Variants in SPRING1 observed in about 807,000 individuals in gnomAD.
The protein encoded by SPRING1 is SREBF pathway regulator in golgi 1.
A neutral mutation model predicts 24.7 loss-of-function variants in SPRING1; 14 were observed. The ratio of observed to expected loss-of-function variants is 0.57; its 90% CI spans 0.37 to 0.88. The LOEUF is 0.88. Ranked by LOEUF, SPRING1 falls within the 40% of genes least tolerant of loss-of-function variation. The pLI is 0.00. For missense variants in SPRING1, 255 were observed against 268.4 expected (o/e 0.95, Z 0.35); for synonymous variants, 93 against 106.1 (o/e 0.88, Z 0.76).
At position 116,712,601 on chromosome 12, in the gene SPRING1, G is replaced by A. The variant is rs1048757029; in HGVS notation, c.*5209C>T. Reference sequence around the variant, plus strand: ...GTTTTTATTGCTCCTACTTACTTATGTGATACCTTTTTAGTAGAATGACTA... The same window carrying A: ...GTTTTTATTGCTCCTACTTACTTATATGATACCTTTTTAGTAGAATGACTA... On this transcript the variant is annotated 3_prime_UTR_variant, in exon 5 of 5. Transcript: ENST00000261318. 3.3e-5 allele frequency: 5 copies of A among 152,210 alleles called. No homozygotes were observed. Among genetic ancestry groups the A allele is most frequent in the Admixed American group, 6.5e-5 (1 of 15,282 alleles). The allele number at this position is 152,210 out of a possible 1,614,324, so 9.4% of individuals were successfully genotyped here. A position where few individuals can be genotyped will look rare whatever the true frequency, so the allele number is the denominator to read the frequency against.
At chr12:116,729,052 C>T (rs1317040006) in intron 1 of SPRING1, among the ~76,000 whole-genome samples, 1 of 152,020 alleles carries the variant, frequency 6.6e-6, no homozygotes, top group Non-Finnish European at 1.5e-5. Context: ...AAAATAACAA[C>T]AATGAATTCG....
chr12:116,726,512 G>T (rs147117910), intron 1 of SPRING1, among the ~76,000 whole-genome samples: 1 of 152,168 alleles, frequency 6.6e-6, no homozygotes, highest in South Asian at 2.1e-4. Flanking sequence ...GGACCGGGAG[G>T]GGGGCGGTTA....
intron 1 of SPRING1, among the ~76,000 whole-genome samples, chr12:116,735,157 C>T (rs773076836): frequency 5.9e-5 from 9 of 152,096 alleles, no homozygotes; most frequent in Non-Finnish European, 1.3e-4. Flanking sequence ...GGCTTTAATA[C>T]CTGGTGAACA....
chr12:116,734,168 C>G (rs2137046988), intron 1 of SPRING1, among the ~76,000 whole-genome samples: 1 of 152,244 alleles, frequency 6.6e-6, no homozygotes, highest in East Asian at 1.9e-4. Flanking sequence ...TGAGCCATCG[C>G]ACCCAGCCCA....
chr12:116,735,169 T>A (rs540102129), intron 1 of SPRING1, among the ~76,000 whole-genome samples: 11 of 152,222 alleles, frequency 7.2e-5, no homozygotes, highest in African/African-American at 2.6e-4. Context: ...TGGTGAACAG[T>A]AATGCCACTG....
Position 116,738,058 on chromosome 12 carries a change from G to GC in SPRING1, c.-159dup. 1 of 1,082,346 alleles carries GC rather than the reference G, an allele frequency of 9.2e-7. No individual in the cohort carries two copies. The highest frequency in any genetic ancestry group is 1.1e-6 in the Non-Finnish European group (1 of 894,132). 67.0% of individuals were successfully genotyped at this position (1,082,346 alleles called of 1,614,324 possible). On this transcript the variant is annotated 5_prime_UTR_variant, in exon 1 of 5. Transcript: ENST00000261318. Reference sequence around the variant, plus strand: ...TCTGCTCCCGGCAGCCTTGGGCGCAGCCCCACGTGACCCCGCCCTACGCCC... The same window carrying GC: ...TCTGCTCCCGGCAGCCTTGGGCGCAGCCCCCACGTGACCCCGCCCTACGCCC...
chr12:116,723,874 T>G (rs563172135), intron 1 of SPRING1, among the ~76,000 whole-genome samples: 1 of 151,900 alleles, frequency 6.6e-6, no homozygotes, highest in East Asian at 1.9e-4. Context: ...ATTGGAAGAG[T>G]TGCCCTGGAG....
rs1281469107 is a variant in SPRING1, at chr12:116,712,709, C to G, written c.*5101G>C. 6.6e-6 allele frequency: 1 copy of G among 152,226 alleles called. No individual in the cohort carries two copies. Among genetic ancestry groups the G allele is most frequent in the African/African-American group, 2.4e-5 (1 of 41,438 alleles). 9.4% of individuals were successfully genotyped at this position (152,226 alleles called of 1,614,324 possible). A position where few individuals can be genotyped will look rare whatever the true frequency, so the allele number is the denominator to read the frequency against. ...CAAAGCCACTCCATTCAAAGAACTGCTGGTGAGGTGCTGGGGAGTCAATCC... is the reference window on the plus strand; with the variant it reads ...CAAAGCCACTCCATTCAAAGAACTGGTGGTGAGGTGCTGGGGAGTCAATCC... On this transcript the variant is annotated 3_prime_UTR_variant, in exon 5 of 5. Transcript: ENST00000261318.
Position 116,720,237 on chromosome 12 carries a change from T to C in SPRING1, c.420+59A>G. On this transcript the variant is annotated intron_variant, in intron 3 of 4. Coordinates refer to ENST00000261318, the MANE Select transcript of SPRING1 (RefSeq NM_024738.4). This position sits in a 1 kb window ranked among gnomAD's most constrained non-coding sequence, Gnocchi z 4.0. ...TCTCACATGAAGAGCCTAATGCTCATCATAAAACAGAGGCCGAAAGAAAAA... is the reference window on the plus strand; with the variant it reads ...TCTCACATGAAGAGCCTAATGCTCACCATAAAACAGAGGCCGAAAGAAAAA... 4.5e-6 allele frequency: 7 copies of C among 1,539,076 alleles called. No homozygotes were observed. Among genetic ancestry groups the C allele is most frequent in the South Asian group, 1.3e-5 (1 of 78,530 alleles).
chr12:116,734,877 GT>G (rs1168039494), intron 1 of SPRING1, among the ~76,000 whole-genome samples: 1 of 152,218 alleles, frequency 6.6e-6, no homozygotes, highest in Non-Finnish European at 1.5e-5. Context: ...ACAATCCAGA[GT>G]TTTATCTGAG....
chr12:116,725,681 C>T (rs1022442316), intron 1 of SPRING1, among the ~76,000 whole-genome samples: 23 of 152,032 alleles, frequency 1.5e-4, no homozygotes, highest in African/African-American at 4.1e-4. Flanking sequence ...TTCAGAAGAT[C>T]GAGACCATCC....
chr12:116,726,556 CAAG>C lies in SPRING1; in HGVS notation c.112-3336_112-3334del, dbSNP rs767009923. Among the ~76,000 whole-genome samples the C allele has an allele frequency of 2.0e-5, 3 of 152,250 alleles. No homozygotes were observed. In the East Asian group the frequency reaches 5.8e-4, roughly 29 times the overall value. ...CAACATCTGTATTCCTCAGTTATTGCAAGAAGAGGAGCTAGGTGCAGGAGCCCT... is the reference window on the plus strand; with the variant it reads ...CAACATCTGTATTCCTCAGTTATTGCAAGAGGAGCTAGGTGCAGGAGCCCT... On this transcript the variant is annotated intron_variant, in intron 1 of 4. Coordinates refer to ENST00000261318, the MANE Select transcript of SPRING1 (RefSeq NM_024738.4).
At position 116,711,836 on chromosome 12, in the gene SPRING1, G is replaced by C. The variant is rs1179667772; in HGVS notation, c.*5974C>G. 2.6e-5 allele frequency: 4 copies of C among 152,338 alleles called. No homozygotes were observed. The highest frequency in any genetic ancestry group is 9.7e-5 in the African/African-American group (4 of 41,364). 9.4% of individuals were successfully genotyped at this position (152,338 alleles called of 1,614,324 possible). On this transcript the variant is annotated 3_prime_UTR_variant, in exon 5 of 5. Transcript: ENST00000261318. Reference sequence around the variant, plus strand: ...TCCCTATGTTGCTCAGGCTGGTCTCGAATTCTGGGCTCAAGCAATCCTCTC... The same window carrying C: ...TCCCTATGTTGCTCAGGCTGGTCTCCAATTCTGGGCTCAAGCAATCCTCTC...
Position 116,720,339 on chromosome 12 carries a change from C to A in SPRING1, c.377G>T (p.Ser126Ile). 1 of 1,614,226 alleles carries A rather than the reference C, an allele frequency of 6.2e-7. No homozygotes were observed. Among genetic ancestry groups the A allele is most frequent in the Non-Finnish European group, 8.5e-7 (1 of 1,180,030 alleles). Residue 126 changes from serine to isoleucine, a missense_variant, in exon 3 of 5, where the codon AGC becomes ATC. Coordinates refer to ENST00000261318, the MANE Select transcript of SPRING1 (RefSeq NM_024738.4). This position sits in a 1 kb window ranked among gnomAD's most constrained non-coding sequence, Gnocchi z 4.0. Reference sequence around the variant, plus strand: ...GCAGGAGACACAGTACTCATAGGCGCTGCAGCAGCCGTTGGGCCAGCAGCC... The same window carrying A: ...GCAGGAGACACAGTACTCATAGGCGATGCAGCAGCCGTTGGGCCAGCAGCC... Reference protein sequence around the residue: ...CDGCWPNGCCSAYEYCVSCCL... With the variant: ...CDGCWPNGCCIAYEYCVSCCL...
chr12:116,717,538 C>T lies in SPRING1; in HGVS notation c.*272G>A. On this transcript the variant is annotated 3_prime_UTR_variant, in exon 5 of 5. Transcript: ENST00000261318. The surrounding 1 kb of genome is among the most constrained non-coding windows in gnomAD (Gnocchi z 4.2). ...CCAGGGCTGAGTCATCCAAGAACTC[C>T]ACCACCACCGTGAGCCCGGCCTCCG... The T allele has an allele frequency of 2.9e-6, 1 of 348,144 alleles. No homozygotes were observed. The highest frequency in any genetic ancestry group is 5.3e-6 in the Non-Finnish European group (1 of 189,368). 21.6% of individuals were successfully genotyped at this position (348,144 alleles called of 1,614,324 possible).
Position 116,716,704 on chromosome 12 carries a change from G to C in SPRING1, c.*1106C>G, listed in dbSNP as rs987251237. The C allele has an allele frequency of 1.3e-5, 2 of 152,276 alleles. No homozygotes were observed. Among genetic ancestry groups the C allele is most frequent in the Admixed American group, 1.3e-4 (2 of 15,286 alleles). 9.4% of individuals were successfully genotyped at this position (152,276 alleles called of 1,614,324 possible). The stretch of plus-strand genomic sequence containing the variant: ...CATCTCCCACTGAGGGCAGGTGTAA[G>C]ACTCTTCTCTTGCAGTGCTCTGATA... On this transcript the variant is annotated 3_prime_UTR_variant, in exon 5 of 5. Transcript: ENST00000261318.
At chr12:116,734,558 G>A (rs1479819760) in intron 1 of SPRING1, among the ~76,000 whole-genome samples, 2 of 152,152 alleles carry the variant, frequency 1.3e-5, no homozygotes, top group African/African-American at 2.4e-5. Context: ...TCACTTGTTT[G>A]TTCAATCAAT....
chr12:116,712,554 T>C lies in SPRING1; in HGVS notation c.*5256A>G, dbSNP rs1869918938. The C allele has an allele frequency of 6.6e-6, 1 of 152,140 alleles. No individual in the cohort carries two copies. The highest frequency in any genetic ancestry group is 2.4e-5 in the African/African-American group (1 of 41,416). 9.4% of individuals were successfully genotyped at this position (152,140 alleles called of 1,614,324 possible). ...ACAGGCCAGAGGCGGGGAAAGCTTC[T>C]CGGAGTCCCACTATCTTCTTTGTTT... On this transcript the variant is annotated 3_prime_UTR_variant, in exon 5 of 5. Coordinates refer to ENST00000261318, the MANE Select transcript of SPRING1 (RefSeq NM_024738.4).
rs535671961 is a variant in SPRING1 at position 116,719,961 on chromosome 12, T to C, written c.421-85A>G. On this transcript the variant is annotated intron_variant, in intron 3 of 4. Transcript: ENST00000261318. Reference sequence around the variant, plus strand: ...GGCTATCTCTCCTAAACTAAGAGAATGCTGATACAGGGAAGGGGGGAAGAG... The same window carrying C: ...GGCTATCTCTCCTAAACTAAGAGAACGCTGATACAGGGAAGGGGGGAAGAG... The C allele has an allele frequency of 2.6e-6, 3 of 1,167,408 alleles. No homozygotes were observed. The East Asian group carries it at 7.1e-5, about 28-fold the overall frequency. 72.3% of individuals were successfully genotyped at this position (1,167,408 alleles called of 1,614,324 possible).
Sources: allele counts gnomAD v4.1 joint callset (sites outside exome capture counted in the v4.1 genomes callset), GRCh38; gene constraint gnomAD v4.1.1; non-coding constraint Gnocchi (gnomAD v3.1); transcripts MANE v1.5; gene names NCBI Gene and HGNC (gene_info 2026-07-23, HGNC 2026-07-21).